The following SERPINA4 variants were observed in gnomAD, a reference collection of about 807,000 sequenced individuals.
The protein encoded by SERPINA4 is serpin family A member 4, also known as kallistatin.
Under a neutral mutation model 25.4 loss-of-function variants are expected in SERPINA4, and 24 were observed. That is an observed-to-expected ratio of 0.95 (90% CI 0.69 to 1.33). SERPINA4 has a LOEUF of 1.33. Among genes scored for constraint, SERPINA4 ranks in the 40% most tolerant of loss-of-function variants. The pLI, the probability that SERPINA4 is intolerant of heterozygous loss-of-function variation, is 0.00. For missense variants in SERPINA4, 553 were observed against 535.8 expected, an observed-to-expected ratio of 1.03 and a Z score of -0.32; for synonymous variants, 242 against 223.6, an observed-to-expected ratio of 1.08 and a Z score of -0.73.
At chr14:94,568,530 G>T (rs1190267891) in intron 4 of SERPINA4, among the ~76,000 whole-genome samples, 1 of 152,184 alleles carries the variant, frequency 6.6e-6, no homozygotes, top group Non-Finnish European at 1.5e-5. Flanking sequence ...GGGACACAGC[G>T]TCTTCATAGA....
chr14:94,564,152 A>G (rs748638415), intron 2 of SERPINA4, 21 bp downstream of exon 2: 2 of 1,596,238 alleles, frequency 1.3e-6, no homozygotes, highest in Non-Finnish European at 1.7e-6. Context: ...GATCATTGGT[A>G]TATGCTAAAT....
chr14:94,564,950 A>G (rs529632561), intron 2 of SERPINA4, among the ~76,000 whole-genome samples: 2 of 152,338 alleles, frequency 1.3e-5, no homozygotes, highest in South Asian at 2.1e-4. Context: ...CCATTCACAC[A>G]CATATATGTC....
chr14:94,567,597 T>C (rs1054947180), intron 3 of SERPINA4, among the ~76,000 whole-genome samples: 1 of 152,104 alleles, frequency 6.6e-6, no homozygotes, highest in Non-Finnish European at 1.5e-5. Flanking sequence ...TAAGCTGCCA[T>C]AGTGGGACTT....
intron 2 of SERPINA4, among the ~76,000 whole-genome samples, chr14:94,566,182 C>T (rs1327711371): frequency 6.6e-6 from 1 of 152,198 alleles, no homozygotes; most frequent in Non-Finnish European, 1.5e-5. Flanking sequence ...TACTTACCCT[C>T]CAAAGCTGCA....
At chr14:94,561,847 CTG>C (rs1392650873) in intron 1 of SERPINA4, 1 of 1,289,638 alleles carries the variant, frequency 7.8e-7, no homozygotes, top group Non-Finnish European at 1.0e-6. Context: ...GGAGGTGTGT[CTG>C]TGAGTGATGC....
In SERPINA4 at chr14:94,563,641, T is replaced by TG. The variant is rs1902098450; in HGVS notation, c.160dup (p.Ala54GlyfsTer4). ...GCTCCCCCAGCCTCAAGATAGCCCC[T>TG]GCCAATGCTGACTTTGCCTTCCGCT... On this transcript the variant is annotated frameshift_variant, in exon 2 of 5. Transcript: ENST00000557004. LOFTEE classifies it high-confidence loss of function. The TG allele has an allele frequency of 6.2e-7, 1 of 1,613,798 alleles. No individual in the cohort carries two copies.
At chr14:94,567,527 C>T (rs1419088255) in intron 3 of SERPINA4, among the ~76,000 whole-genome samples, 1 of 152,132 alleles carries the variant, frequency 6.6e-6, no homozygotes, top group Non-Finnish European at 1.5e-5. Flanking sequence ...GTGACTCTTC[C>T]TCTCTGGGGG....
At position 94,569,730 on chromosome 14, in the gene SERPINA4, C is replaced by T. The variant is rs940699658; in HGVS notation, c.*135C>T. The T allele has an allele frequency of 1.9e-5, 17 of 901,990 alleles. No homozygotes were observed. Among genetic ancestry groups the T allele is most frequent in the African/African-American group, 5.0e-5 (3 of 60,382 alleles). 55.9% of individuals were successfully genotyped at this position (901,990 alleles called of 1,614,324 possible). On this transcript the variant is annotated 3_prime_UTR_variant, in exon 5 of 5. Coordinates refer to ENST00000557004, the MANE Select transcript of SERPINA4 (RefSeq NM_006215.4). Reference sequence around the variant, plus strand: ...GGAGTCCAGGACAGCAGGTGCTGGCCGGTGGGGAGCGGGGAGGGGCACTGA... The same window carrying T: ...GGAGTCCAGGACAGCAGGTGCTGGCTGGTGGGGAGCGGGGAGGGGCACTGA...
At chr14:94,567,986 A>C (rs1422407348) in intron 3 of SERPINA4, 143 bp from the exon 4 acceptor site, 11 of 758,028 alleles carry the variant, frequency 1.5e-5, no homozygotes, top group Non-Finnish European at 2.2e-5. Flanking sequence ...CATTTGTGGG[A>C]GGTGGTCTGA....
intron 4 of SERPINA4, 106 bp downstream of exon 4, chr14:94,568,394 T>C: frequency 1.6e-6 from 2 of 1,219,388 alleles, no homozygotes; most frequent in Non-Finnish European, 2.3e-6. Flanking sequence ...TCTCAGAGCC[T>C]GAGTGTGTTC....
rs1204939315 is a variant in SERPINA4, at chr14:94,563,566, T to C, written c.84T>C (p.Gly28=). The change falls in exon 2 of 5, where the codon GGT becomes GGC. Residue 28 remains glycine (G), a synonymous_variant. Coordinates refer to ENST00000557004, the MANE Select transcript of SERPINA4 (RefSeq NM_006215.4). ...GCCAGCTGCACGTTGAGCATGATGGTGAGAGTTGCAGTAACAGCTCCCACC... is the reference window on the plus strand; with the variant it reads ...GCCAGCTGCACGTTGAGCATGATGGCGAGAGTTGCAGTAACAGCTCCCACC... ...SHGQLHVEHD[G]ESCSNSSHQQ... is the part of the protein sequence containing the mutation. 1 of 1,613,830 alleles carries C rather than the reference T, an allele frequency of 6.2e-7. No homozygotes were observed. The highest frequency in any genetic ancestry group is 1.7e-5 in the Admixed American group (1 of 59,994).
chr14:94,567,340 A>G (rs376444987), intron 3 of SERPINA4, 97 bp downstream of exon 3: 3 of 1,312,120 alleles, frequency 2.3e-6, no homozygotes, highest in African/African-American at 2.9e-5. Flanking sequence ...GTGAACACCA[A>G]ATTATGAGAG....
rs1243023498 is a variant in SERPINA4 at position 94,563,514 on chromosome 14, TG to T, written c.34del (p.Val12LeufsTer40). 1.2e-6 allele frequency: 2 copies of T among 1,613,788 alleles called. No individual in the cohort carries two copies. Among genetic ancestry groups the T allele is most frequent in the African/African-American group, 2.7e-5 (2 of 75,012 alleles). MHLIDYLLLL[L>X]VGLLALSHGQ... Reference sequence around the variant, plus strand: ...CTTATCGACTACCTGCTCCTCCTGCTGGTTGGACTACTGGCCCTTTCTCATG... The same window carrying T: ...CTTATCGACTACCTGCTCCTCCTGCTGTTGGACTACTGGCCCTTTCTCATG... On this transcript the variant is annotated frameshift_variant, in exon 2 of 5. Transcript: ENST00000557004. LOFTEE classifies it high-confidence loss of function.
intron 1 of SERPINA4, among the ~76,000 whole-genome samples, chr14:94,563,265 G>A (rs540707235): frequency 1.3e-5 from 2 of 152,306 alleles, no homozygotes; most frequent in African/African-American, 4.8e-5. Flanking sequence ...TGCCTTGTAA[G>A]TCTAAAACAT....
chr14:94,561,771 C>A (rs1471806465), intron 1 of SERPINA4: 1 of 1,289,774 alleles, frequency 7.8e-7, no homozygotes, highest in South Asian at 1.2e-5. Flanking sequence ...TACAGGGCGG[C>A]ACTGACTGAG....
chr14:94,567,057 T>C lies in SERPINA4; in HGVS notation c.737T>C (p.Met246Thr), dbSNP rs766146331. 5.6e-6 allele frequency: 9 copies of C among 1,614,106 alleles called. No homozygotes were observed. The Admixed American group carries it at 1.3e-4, about 24-fold the overall frequency. Reference sequence around the variant, plus strand: ...AACACAACAGTCCGGGTGCCCATGATGCTGCAGGACCAGGAGCATCACTGG... The same window carrying C: ...AACACAACAGTCCGGGTGCCCATGACGCTGCAGGACCAGGAGCATCACTGG... Reference protein sequence around the residue: ...DENTTVRVPMMLQDQEHHWYL... With the variant: ...DENTTVRVPMTLQDQEHHWYL... Residue 246 changes from methionine to threonine, a missense_variant, in exon 3 of 5, where the codon ATG becomes ACG. Met to Thr is a moderately conservative substitution (Grantham distance 81, BLOSUM62 -1). Transcript: ENST00000557004.
In SERPINA4 at chr14:94,563,102, G is replaced by A. The variant is rs550973932; in HGVS notation, c.-17-364G>A. ...AGAAGCAGCACCTGAGTCTGGGGAT[G>A]TGGGTTCTGGCTGGGATATGTGCTA... On this transcript the variant is annotated intron_variant, in intron 1 of 4. Coordinates refer to ENST00000557004, the MANE Select transcript of SERPINA4 (RefSeq NM_006215.4). 1.1e-4 allele frequency among the ~76,000 whole-genome samples: 17 copies of A among 152,342 alleles called. 1 individual carries two copies. The South Asian group carries it at 3.5e-3, about 32-fold the overall frequency.
chr14:94,569,661 G>T lies in SERPINA4; in HGVS notation c.*66G>T. 1 of 1,546,510 alleles carries T rather than the reference G, an allele frequency of 6.5e-7. No individual in the cohort carries two copies. On this transcript the variant is annotated 3_prime_UTR_variant, in exon 5 of 5. Transcript: ENST00000557004. Reference sequence around the variant, plus strand: ...GGCAGGGGAGGGCTGGGAGTGAGTAGCTCTGTGTTTAGAGTTGGGGACAAG... The same window carrying T: ...GGCAGGGGAGGGCTGGGAGTGAGTATCTCTGTGTTTAGAGTTGGGGACAAG...
At chr14:94,562,576 T>G (rs878937691) in intron 1 of SERPINA4, among the ~76,000 whole-genome samples, 1 of 152,088 alleles carries the variant, frequency 6.6e-6, no homozygotes, top group African/African-American at 2.4e-5. Flanking sequence ...GCACTCCAGC[T>G]TGGGTGACAG....
Sources: allele counts gnomAD v4.1 joint callset (sites outside exome capture counted in the v4.1 genomes callset), GRCh38; gene constraint gnomAD v4.1.1; transcripts MANE v1.5; gene names NCBI Gene and HGNC (gene_info 2026-07-23, HGNC 2026-07-21).